The following LHFPL2 variants were observed in gnomAD, a reference collection of about 807,000 sequenced individuals.
The protein encoded by LHFPL2 is LHFPL tetraspan subfamily member 2 protein.
LHFPL2 carries 7 observed loss-of-function variants against 17.5 expected under a neutral mutation model. The ratio of observed to expected loss-of-function variants is 0.40; its 90% confidence interval spans 0.23 to 0.75. The LOEUF (loss-of-function observed/expected upper bound fraction) is 0.75. Ranked by LOEUF, LHFPL2 falls within the 30% of genes least tolerant of loss-of-function variation. LHFPL2 has a pLI of 0.37. For synonymous variants in LHFPL2, 134 were observed against 116.2 expected (o/e 1.15, Z -0.99); for missense variants, 241 against 294.8 (o/e 0.82, Z 1.34).
chr5:78,643,999 T>C (rs1303205177), intron 1 of LHFPL2, among the ~76,000 whole-genome samples: 1 of 152,120 alleles, frequency 6.6e-6, no homozygotes, highest in East Asian at 1.9e-4. Context: ...GAGGACAAGG[T>C]TGCAGTGAGC....
intron 2 of LHFPL2, among the ~76,000 whole-genome samples, chr5:78,584,515 G>A (rs1317333177): frequency 6.6e-6 from 1 of 152,148 alleles, no homozygotes; most frequent in Non-Finnish European, 1.5e-5. Context: ...AGGACCCTCA[G>A]CTGCAGGTCT....
chr5:78,642,869 G>A (rs1361833273), intron 1 of LHFPL2, among the ~76,000 whole-genome samples: 2 of 152,092 alleles, frequency 1.3e-5, no homozygotes, highest in African/African-American at 4.8e-5. Flanking sequence ...TCTCCTAGAT[G>A]AACAGGAAGT....
At chr5:78,614,241 C>A (rs1744521760) in intron 2 of LHFPL2, among the ~76,000 whole-genome samples, 1 of 152,216 alleles carries the variant, frequency 6.6e-6, no homozygotes, top group Non-Finnish European at 1.5e-5. Flanking sequence ...GCCTGATCTG[C>A]CTGGGCATTT....
intron 1 of LHFPL2, among the ~76,000 whole-genome samples, chr5:78,635,660 G>C (rs757444803): frequency 1.8e-4 from 27 of 152,148 alleles, no homozygotes; most frequent in Non-Finnish European, 2.6e-4. Flanking sequence ...AAAATTAGCC[G>C]GGTGTGGTGG....
chr5:78,557,279 T>C (rs2112403541), intron 3 of LHFPL2, among the ~76,000 whole-genome samples: 1 of 152,332 alleles, frequency 6.6e-6, no homozygotes, highest in Middle Eastern at 3.4e-3. Flanking sequence ...TCTGCAACCA[T>C]TCTTTTACCA....
chr5:78,581,648 T>C (rs1400451991), intron 2 of LHFPL2, among the ~76,000 whole-genome samples: 1 of 152,184 alleles, frequency 6.6e-6, no homozygotes, highest in Non-Finnish European at 1.5e-5. Flanking sequence ...GCCCACTTGA[T>C]CATGGTGGAT....
At chr5:78,573,413 G>C (rs141525228) in intron 2 of LHFPL2, among the ~76,000 whole-genome samples, 2 of 152,324 alleles carry the variant, frequency 1.3e-5, no homozygotes, top group African/African-American at 4.8e-5. Context: ...ACTAACTATA[G>C]CTTAGCTAAA....
At chr5:78,490,414 C>A (rs1034538426) in intron 4 of LHFPL2, among the ~76,000 whole-genome samples, 2 of 152,038 alleles carry the variant, frequency 1.3e-5, no homozygotes, top group African/African-American at 2.4e-5. Context: ...CAACCTAGGC[C>A]CCCCCAGATT....
intron 2 of LHFPL2, among the ~76,000 whole-genome samples, chr5:78,597,309 T>G (rs1743857149): frequency 6.6e-6 from 1 of 152,212 alleles, no homozygotes; most frequent in Non-Finnish European, 1.5e-5. Context: ...AAAGATAATC[T>G]AAGTCTCTTC....
intron 2 of LHFPL2, chr5:78,625,792 C>T (rs1051384285): frequency 6.6e-6 from 1 of 152,192 alleles, no homozygotes; most frequent in Non-Finnish European, 1.5e-5. Context: ...ACAAACAAGA[C>T]AGACAAGAGC....
At chr5:78,583,768 T>G (rs1294223119) in intron 2 of LHFPL2, among the ~76,000 whole-genome samples, 4 of 150,240 alleles carry the variant, frequency 2.7e-5, no homozygotes, top group Admixed American at 6.6e-5. Context: ...GTCTTGGAGT[T>G]GCTCTTCTCG....
intron 3 of LHFPL2, among the ~76,000 whole-genome samples, chr5:78,541,574 T>A (rs1440611138): frequency 2.0e-5 from 3 of 152,048 alleles, no homozygotes; most frequent in Non-Finnish European, 4.4e-5. Context: ...GTCACAAAGA[T>A]TTTGGGGAAG....
chr5:78,505,659 G>C (rs1442847273), intron 4 of LHFPL2, among the ~76,000 whole-genome samples: 1 of 152,214 alleles, frequency 6.6e-6, no homozygotes, highest in Non-Finnish European at 1.5e-5. Flanking sequence ...GATTGGAACA[G>C]AGTAAGGTCA....
chr5:78,598,726 T>TCC (rs1415178725), intron 2 of LHFPL2, among the ~76,000 whole-genome samples: 1 of 152,192 alleles, frequency 6.6e-6, no homozygotes, highest in Non-Finnish European at 1.5e-5. Context: ...ATCTCATGTT[T>TCC]CCTTCTGATA....
At chr5:78,630,286 T>G (rs952427259) in intron 2 of LHFPL2, among the ~76,000 whole-genome samples, 17 of 152,348 alleles carry the variant, frequency 1.1e-4, no homozygotes, top group African/African-American at 4.1e-4. Flanking sequence ...TGGGGCAGTG[T>G]GGAGACCAGA....
intron 2 of LHFPL2, among the ~76,000 whole-genome samples, chr5:78,606,674 G>A (rs971835734): frequency 6.6e-6 from 1 of 152,094 alleles, no homozygotes; most frequent in Non-Finnish European, 1.5e-5. Flanking sequence ...AGCTGAGCAA[G>A]AATGTATTTG....
intron 4 of LHFPL2, among the ~76,000 whole-genome samples, chr5:78,502,017 G>C (rs1390350211): frequency 3.3e-5 from 5 of 151,968 alleles, no homozygotes; most frequent in Admixed American, 2.6e-4. Flanking sequence ...AAAGAAGCTT[G>C]CATTAATGCT....
chr5:78,594,207 A>G (rs1476313118), intron 2 of LHFPL2, among the ~76,000 whole-genome samples: 1 of 152,166 alleles, frequency 6.6e-6, no homozygotes, highest in African/African-American at 2.4e-5. Context: ...GTAACACTAG[A>G]CAAGAAGAGA....
At chr5:78,561,147 G>A (rs1402129904) in intron 3 of LHFPL2, among the ~76,000 whole-genome samples, 4 of 152,046 alleles carry the variant, frequency 2.6e-5, no homozygotes, top group Non-Finnish European at 5.9e-5. Flanking sequence ...TTTCCATCAG[G>A]AATAATTGAT....
Sources: allele counts gnomAD v4.1 joint callset (sites outside exome capture counted in the v4.1 genomes callset), GRCh38; gene constraint gnomAD v4.1.1; transcripts MANE v1.5; gene names NCBI Gene and HGNC (gene_info 2026-07-23, HGNC 2026-07-21).